Variants in IL1RAPL1 observed in about 807,000 individuals in gnomAD.
IL1RAPL1 encodes interleukin 1 receptor accessory protein like 1.
A neutral mutation model predicts 48.4 loss-of-function variants in IL1RAPL1; 3 were observed. The observed-to-expected ratio is 0.06, with a 90% CI of 0.03 to 0.16. The LOEUF is 0.16. IL1RAPL1 is among the 10% of genes least tolerant of loss of function. IL1RAPL1 has a pLI of 1.00. For missense variants in IL1RAPL1, 349 were observed against 530.6 expected, an observed-to-expected ratio of 0.66 and a Z score of 3.36; for synonymous variants, 185 against 187.7, an observed-to-expected ratio of 0.99 and a Z score of 0.12.
chrX:29,779,683 A>G (rs950581948), intron 6 of IL1RAPL1, among the ~76,000 whole-genome samples: 7 of 111,938 alleles, frequency 6.3e-5, no homozygotes, highest in South Asian at 3.7e-4. Context: ...AATTCCTTCA[A>G]TAAAACACTT....
intron 1 of IL1RAPL1, chrX:28,659,511 TGGAGCTC>T: frequency 2.1e-6 from 1 of 472,055 alleles, no homozygotes; most frequent in Non-Finnish European, 3.9e-6. Context: ...CTCCTTCGGC[TGGAGCTC>T]GGCGAGCTAG....
chrX:29,255,903 G>A (rs1931749904), intron 2 of IL1RAPL1, among the ~76,000 whole-genome samples: 1 of 111,602 alleles, frequency 9.0e-6, no homozygotes, highest in Non-Finnish European at 1.9e-5. Context: ...ATCACGAACA[G>A]TGCTGCAATA....
chrX:29,042,192 C>T (rs1441958870), intron 2 of IL1RAPL1, among the ~76,000 whole-genome samples: 4 of 111,859 alleles, frequency 3.6e-5, no homozygotes. Context: ...CCAGATTGTT[C>T]TTATTCCATA....
chrX:29,491,328 C>T (rs1168961351), intron 5 of IL1RAPL1, among the ~76,000 whole-genome samples: 1 of 112,384 alleles, frequency 8.9e-6, no homozygotes, highest in Non-Finnish European at 1.9e-5. Flanking sequence ...TTATTCCTCA[C>T]TTAAGTGAAA....
At chrX:29,532,040 G>T (rs766418344) in intron 5 of IL1RAPL1, among the ~76,000 whole-genome samples, 1 of 111,646 alleles carries the variant, frequency 9.0e-6, no homozygotes, top group Admixed American at 9.5e-5. Context: ...GAGAGGGGGG[G>T]CGCATAATTC....
intron 3 of IL1RAPL1, among the ~76,000 whole-genome samples, chrX:29,316,246 A>G (rs1442913560): frequency 8.9e-6 from 1 of 111,986 alleles, no homozygotes; most frequent in African/African-American, 3.2e-5. Context: ...GAATTGTGCT[A>G]TAGGGAGCAT....
At chrX:29,870,691 C>A (rs920214853) in intron 6 of IL1RAPL1, among the ~76,000 whole-genome samples, 1 of 111,794 alleles carries the variant, frequency 8.9e-6, no homozygotes, top group Non-Finnish European at 1.9e-5. Context: ...CTATTCTAAC[C>A]ATTTCTCAAT....
At chrX:28,661,118 T>C (rs958471155) in intron 1 of IL1RAPL1, among the ~76,000 whole-genome samples, 2 of 111,883 alleles carry the variant, frequency 1.8e-5, no homozygotes, top group African/African-American at 3.2e-5. Flanking sequence ...AAATGTGCAA[T>C]TGAAGGTATA....
intron 2 of IL1RAPL1, among the ~76,000 whole-genome samples, chrX:28,849,211 T>A (rs1361299489): frequency 5.5e-5 from 6 of 109,768 alleles, no homozygotes; most frequent in Admixed American, 4.9e-4. Flanking sequence ...GGGGAAAAAA[T>A]CACCATTGTT....
chrX:29,858,716 C>T (rs1032918299), intron 6 of IL1RAPL1, among the ~76,000 whole-genome samples: 5 of 111,132 alleles, frequency 4.5e-5, no homozygotes, highest in Non-Finnish European at 9.4e-5. Context: ...GGCTAATAGG[C>T]CTTGTGTCAG....
chrX:29,501,695 T>C (rs1048615141), intron 5 of IL1RAPL1, among the ~76,000 whole-genome samples: 2 of 111,321 alleles, frequency 1.8e-5, no homozygotes, highest in Non-Finnish European at 3.8e-5. Context: ...GTCAGCACCA[T>C]GCTGATTTGG....
chrX:29,860,896 T>C (rs943970487), intron 6 of IL1RAPL1, among the ~76,000 whole-genome samples: 4 of 112,322 alleles, frequency 3.6e-5, no homozygotes, highest in Admixed American at 1.9e-4. Flanking sequence ...TGGAAAATTC[T>C]GTTGAAAACC....
intron 2 of IL1RAPL1, among the ~76,000 whole-genome samples, chrX:29,015,251 A>C (rs1298699349): frequency 4.5e-5 from 5 of 111,381 alleles, no homozygotes; most frequent in Non-Finnish European, 9.4e-5. Flanking sequence ...ATGAATTCTA[A>C]AATAATTTAA....
rs182138680 is a variant in IL1RAPL1, at chrX:29,917,531, C to T, written c.846C>T (p.Tyr282=). 1.1e-4 allele frequency: 127 copies of T among 1,200,928 alleles called. No homozygotes were observed. Among genetic ancestry groups the T allele is most frequent in the Non-Finnish European group, 2.4e-5 (21 of 887,183 alleles). Residue 282 remains tyrosine, a synonymous_variant, in exon 7 of 11, where the codon TAC becomes TAT. Transcript: ENST00000378993. The part of the protein sequence containing the change: ...GYSGDVSPLI[Y]WMKGEKFIED... ...GCGGAGATGTCAGTCCTTTAATTTA[C>T]TGGATGAAAGGAGAAAAATTTATTG...
At chrX:29,267,123 A>AGTAATCAT (rs1476458523) in intron 2 of IL1RAPL1, among the ~76,000 whole-genome samples, 1 of 112,026 alleles carries the variant, frequency 8.9e-6, no homozygotes, top group African/African-American at 3.2e-5. Context: ...TTTTCCACAG[A>AGTAATCAT]TACCTAATCA....
At chrX:29,284,676 C>T (rs182284471) in intron 3 of IL1RAPL1, among the ~76,000 whole-genome samples, 7 of 111,945 alleles carry the variant, frequency 6.3e-5, no homozygotes, top group East Asian at 2.8e-4. Flanking sequence ...ACCCAGGAGG[C>T]GGAGGTTGCA....
At chrX:29,867,802 G>A (rs1931724929) in intron 6 of IL1RAPL1, among the ~76,000 whole-genome samples, 1 of 111,628 alleles carries the variant, frequency 9.0e-6, no homozygotes, top group East Asian at 2.8e-4. Flanking sequence ...CTCATCTGTC[G>A]ATAGTGCATG....
intron 1 of IL1RAPL1, among the ~76,000 whole-genome samples, chrX:28,647,955 G>A (rs1934634414): frequency 9.0e-6 from 1 of 111,573 alleles, no homozygotes; most frequent in African/African-American, 3.3e-5. Context: ...TCCTTGGAAA[G>A]CTTCATGCTA....
At chrX:29,795,498 C>A (rs1231407988) in intron 6 of IL1RAPL1, among the ~76,000 whole-genome samples, 3 of 112,167 alleles carry the variant, frequency 2.7e-5, no homozygotes. Context: ...GTAGACTCAA[C>A]CTCCTGGGCT....
Sources: gnomAD v4.1 joint callset for allele counts (sites outside exome capture counted in the v4.1 genomes callset) on GRCh38, gnomAD v4.1.1 for gene constraint, MANE v1.5 for transcripts, NCBI Gene and HGNC (gene_info 2026-07-23, HGNC 2026-07-21) for gene names.